Variants in CPLX1 observed in about 807,000 individuals in gnomAD.
CPLX1 encodes the protein complexin 1.
Under a neutral mutation model 15.6 loss-of-function variants are expected in CPLX1, and 6 were observed. The ratio of observed to expected loss-of-function variants is 0.39; its 90% CI spans 0.21 to 0.76. CPLX1 has a LOEUF of 0.76. CPLX1 is among the 30% of genes least tolerant of loss of function. The pLI is 0.43. For missense variants in CPLX1, 242 were observed against 188.6 expected, an observed-to-expected ratio of 1.28 and a Z score of -1.66; for synonymous variants, 91 against 75.2, an observed-to-expected ratio of 1.21 and a Z score of -1.08.
At chr4:806,488 G>A (rs1746556774) in intron 2 of CPLX1, among the ~76,000 whole-genome samples, 1 of 152,182 alleles carries the variant, frequency 6.6e-6, no homozygotes, top group South Asian at 2.1e-4. Context: ...CATAGGCAAG[G>A]TTGAGAATTT....
rs1745959884 is a variant in CPLX1, at chr4:785,639, G to C, written c.*862C>G. 6.6e-6 allele frequency: 1 copy of C among 152,482 alleles called. No individual in the cohort carries two copies. The highest frequency in any genetic ancestry group is 1.5e-5 in the Non-Finnish European group (1 of 68,138). The allele number at this position is 152,482 out of a possible 1,614,324, so 9.4% of individuals were successfully genotyped here. A position where few individuals can be genotyped will look rare whatever the true frequency, so the allele number is the denominator to read the frequency against. On this transcript the variant is annotated 3_prime_UTR_variant, in exon 4 of 4. Transcript: ENST00000304062. ...GCAGGGAACCCCGCAGGCCCCACCC[G>C]AGGAGCTGCCCACGGAGGAGGTGCT...
intron 1 of CPLX1, among the ~76,000 whole-genome samples, chr4:825,176 G>T (rs1746954305): frequency 6.6e-6 from 1 of 152,078 alleles, no homozygotes; most frequent in South Asian, 2.1e-4. Flanking sequence ...CAGGAAACAC[G>T]TGGGGACGGG....
At chr4:790,419 T>A (rs1242139130) in intron 3 of CPLX1, among the ~76,000 whole-genome samples, 6 of 152,164 alleles carry the variant, frequency 3.9e-5, no homozygotes, top group Admixed American at 3.9e-4. Flanking sequence ...GGGCCCCACA[T>A]GGAAGCTGAG....
chr4:820,747 C>T (rs1423301457), intron 2 of CPLX1, among the ~76,000 whole-genome samples: 2 of 102,342 alleles, frequency 2.0e-5, no homozygotes, highest in Non-Finnish European at 4.5e-5. Context: ...ACCAGCCTCA[C>T]GTGAACCCCC....
At chr4:802,153 A>C (rs957435865) in intron 2 of CPLX1, among the ~76,000 whole-genome samples, 1 of 152,238 alleles carries the variant, frequency 6.6e-6, no homozygotes, top group African/African-American at 2.4e-5. Flanking sequence ...AAAGCAACTC[A>C]AATGTCCATC....
intron 2 of CPLX1, among the ~76,000 whole-genome samples, chr4:806,148 A>G (rs1363149728): frequency 1.3e-5 from 2 of 152,258 alleles, no homozygotes; most frequent in Non-Finnish European, 2.9e-5. Flanking sequence ...CCTGACTTCA[A>G]ACTATACTAC....
chr4:788,002 T>C (rs1746053190), intron 3 of CPLX1: 2 of 984,806 alleles, frequency 2.0e-6, no homozygotes, highest in African/African-American at 3.5e-5. Flanking sequence ...TGCTCTGGAG[T>C]AGTGAAGGCG....
chr4:810,161 T>C (rs938472903), intron 2 of CPLX1, among the ~76,000 whole-genome samples: 5 of 150,340 alleles, frequency 3.3e-5, no homozygotes, highest in African/African-American at 4.9e-5. Context: ...ACCATTCTCC[T>C]GCCTCAGCCT....
intron 2 of CPLX1, among the ~76,000 whole-genome samples, chr4:801,418 G>A (rs1469796308): frequency 6.6e-6 from 1 of 152,130 alleles, no homozygotes; most frequent in African/African-American, 2.4e-5. Context: ...GTGGACAAAA[G>A]ACATTTCACC....
chr4:797,204 T>A (rs755573857), intron 2 of CPLX1, among the ~76,000 whole-genome samples: 2 of 152,228 alleles, frequency 1.3e-5, no homozygotes, highest in African/African-American at 2.4e-5. Flanking sequence ...TTTGTAGTTG[T>A]CCATTACCTG....
rs1047136926 is a variant in CPLX1 at position 792,333 on chromosome 4, C to A, written c.207+100G>T. 7 of 1,185,008 alleles carry A rather than the reference C, an allele frequency of 5.9e-6. No individual in the cohort carries two copies. In the African/African-American group the frequency reaches 1.1e-4, roughly 19 times the overall value. The allele number at this position is 1,185,008 out of a possible 1,614,324, so 73.4% of individuals were successfully genotyped here. ...AAAGGGTAGGAGGCCCAGGGGGACG[C>A]CCGCCCCTCTTCCGGGCAGCCCCTT... On this transcript the variant is annotated intron_variant, in intron 3 of 3. Transcript: ENST00000304062.
At chr4:797,703 A>G (rs1395051872) in intron 2 of CPLX1, among the ~76,000 whole-genome samples, 1 of 149,948 alleles carries the variant, frequency 6.7e-6, no homozygotes, top group Non-Finnish European at 1.5e-5. Flanking sequence ...GGAGGCCAAG[A>G]CCGGCGGATC....
chr4:821,282 C>T (rs142869654), intron 2 of CPLX1, among the ~76,000 whole-genome samples: 1,796 of 152,266 alleles, frequency 0.012, 21 homozygotes, highest in Middle Eastern at 0.02. Context: ...CAGAGCCGAG[C>T]ATGGGTGAGT....
At chr4:819,467 G>A (rs746995580) in intron 2 of CPLX1, among the ~76,000 whole-genome samples, 7 of 152,236 alleles carry the variant, frequency 4.6e-5, no homozygotes, top group Admixed American at 1.3e-4. Flanking sequence ...ACCACACGGC[G>A]TTTGTGAAGT....
intron 2 of CPLX1, among the ~76,000 whole-genome samples, chr4:794,326 G>A (rs1414658158): frequency 1.3e-5 from 2 of 152,256 alleles, no homozygotes; most frequent in Non-Finnish European, 2.9e-5. Context: ...GGTGTGGGGA[G>A]AACGAGCCCC....
chr4:802,142 G>C (rs531394354), intron 2 of CPLX1, among the ~76,000 whole-genome samples: 16 of 152,282 alleles, frequency 1.1e-4, no homozygotes, highest in African/African-American at 3.6e-4. Context: ...GCCAAAACCA[G>C]AAAGCAACTC....
At chr4:799,245 A>G in intron 2 of CPLX1, among the ~76,000 whole-genome samples, 1 of 152,224 alleles carries the variant, frequency 6.6e-6, no homozygotes, top group East Asian at 1.9e-4. Flanking sequence ...GCCAAGAGGA[A>G]TCTGGACAGG....
At chr4:794,159 C>T (rs73207751) in intron 2 of CPLX1, among the ~76,000 whole-genome samples, 8,356 of 152,318 alleles carry the variant, frequency 0.055, 310 homozygotes, top group East Asian at 0.12. Context: ...TTGGAAGGCC[C>T]GAGCTGTTGG....
chr4:815,647 G>A (rs1350578374), intron 2 of CPLX1, among the ~76,000 whole-genome samples: 4 of 152,126 alleles, frequency 2.6e-5, no homozygotes, highest in Non-Finnish European at 4.4e-5. Flanking sequence ...CCTCTGAGTG[G>A]GGCAGCTTAA....
Sources: gnomAD v4.1 joint callset for allele counts (sites outside exome capture counted in the v4.1 genomes callset) on GRCh38, gnomAD v4.1.1 for gene constraint, MANE v1.5 for transcripts, NCBI Gene and HGNC (gene_info 2026-07-23, HGNC 2026-07-21) for gene names.